Variants in CTNNAL1 observed in about 807,000 individuals in gnomAD.
CTNNAL1 encodes catenin alpha like 1.
CTNNAL1 carries 69 observed loss-of-function variants against 93.6 expected under a neutral mutation model. That is an observed-to-expected ratio of 0.74 (90% CI 0.61 to 0.90). CTNNAL1 has a LOEUF of 0.90. Among genes scored for constraint, CTNNAL1 ranks in the 40% least tolerant of loss-of-function variants. The pLI is 0.00. For missense variants in CTNNAL1, 836 were observed against 862.0 expected (o/e 0.97, Z 0.38); for synonymous variants, 286 against 305.4 (o/e 0.94, Z 0.66).
At chr9:108,999,452 C>T (rs1310775776) in intron 1 of CTNNAL1, among the ~76,000 whole-genome samples, 196 bp from the exon 2 acceptor site, 1 of 152,204 alleles carries the variant, frequency 6.6e-6, no homozygotes, top group Non-Finnish European at 1.5e-5. Flanking sequence ...TTAATTACAA[C>T]TCCAAGTTCA....
intron 8 of CTNNAL1, among the ~76,000 whole-genome samples, chr9:108,974,338 A>C (rs1169463465): frequency 6.6e-6 from 1 of 152,160 alleles, no homozygotes. Flanking sequence ...TCTGGAATGA[A>C]ATGGGTAGGC....
chr9:108,984,168 T>G (rs1459262247), intron 5 of CTNNAL1, among the ~76,000 whole-genome samples, 179 bp downstream of exon 5: 1 of 152,202 alleles, frequency 6.6e-6, no homozygotes, highest in Non-Finnish European at 1.5e-5. Context: ...TAGTTATTAT[T>G]TGGAGTTGGG....
intron 11 of CTNNAL1, among the ~76,000 whole-genome samples, chr9:108,961,232 T>A (rs186606179): frequency 6.6e-6 from 1 of 152,126 alleles, no homozygotes; most frequent in Admixed American, 6.5e-5. Flanking sequence ...CACCTTTGTA[T>A]GGAAAGCAGT....
Position 108,984,375 on chromosome 9 carries a change from C to T in CTNNAL1, c.701G>A (p.Cys234Tyr), listed in dbSNP as rs1485276452. The change falls in exon 5 of 19, where the codon TGT (cysteine) becomes TAT (tyrosine). Residue 234 changes from cysteine to tyrosine, a missense_variant. Transcript: ENST00000325551. The part of the protein sequence containing the change: ...MAAARAVLEK[C>Y]TMMLLTASKT... The stretch of plus-strand genomic sequence containing the variant: ...TGAAGCTGTGAGAAGCATCATTGTA[C>T]ACTTTTCAAGAACTGCCCTAGCTGC... The T allele has an allele frequency of 6.2e-7, 1 of 1,611,324 alleles. No individual in the cohort carries two copies. The highest frequency in any genetic ancestry group is 1.1e-5 in the South Asian group (1 of 90,858).
Position 108,979,363 on chromosome 9 carries a change from T to C in CTNNAL1, c.1019A>G (p.His340Arg), listed in dbSNP as rs910519557. Residue 340 changes from histidine (H) to arginine (R), a missense_variant, in exon 7 of 19, where the codon CAT (histidine) becomes CGT (arginine). Physicochemically the swap from His to Arg is conservative, Grantham distance 29. Transcript: ENST00000325551. The part of the protein sequence containing the change: ...EDFTDSAYTS[H>R]EHRERILELS... ...TTCCAAGATGCGTTCTCTGTGCTCA[T>C]GGCTGGTGTAGGCAGAATCAGTAAA... 1.9e-6 allele frequency: 3 copies of C among 1,614,098 alleles called. No homozygotes were observed. In the African/African-American group the frequency reaches 4.0e-5, roughly 22 times the overall value.
rs1273770344 is a variant in CTNNAL1, at chr9:108,948,248, A to C, written c.1836-14T>G. Reference sequence around the variant, plus strand: ...GGCCCCTCTCCTCTAAAATAAAATTAATTGTTAAGAAGGTAACAAAAAGTT... The same window carrying C: ...GGCCCCTCTCCTCTAAAATAAAATTCATTGTTAAGAAGGTAACAAAAAGTT... On this transcript the variant is annotated splice_polypyrimidine_tract_variant and intron_variant, in intron 14 of 18. Transcript: ENST00000325551. The C allele has an allele frequency of 1.2e-6, 2 of 1,609,268 alleles. No homozygotes were observed. Among genetic ancestry groups the C allele is most frequent in the Non-Finnish European group, 1.7e-6 (2 of 1,178,714 alleles).
At chr9:108,977,981 G>GA (rs35952055) in intron 7 of CTNNAL1, among the ~76,000 whole-genome samples, 1 of 152,096 alleles carries the variant, frequency 6.6e-6, no homozygotes, top group Non-Finnish European at 1.5e-5. Context: ...AACAACTGCT[G>GA]AAAAAAATGA....
chr9:108,969,508 A>G (rs1458816122), intron 10 of CTNNAL1, among the ~76,000 whole-genome samples: 1 of 152,202 alleles, frequency 6.6e-6, no homozygotes, highest in African/African-American at 2.4e-5. Flanking sequence ...TAATTTGTAT[A>G]CATACAAATC....
chr9:109,002,769 A>C (rs1826882753), intron 1 of CTNNAL1, among the ~76,000 whole-genome samples: 1 of 151,608 alleles, frequency 6.6e-6, no homozygotes. Context: ...AGATCACCTG[A>C]GGTTGGGAGT....
At position 108,989,688 on chromosome 9, in the gene CTNNAL1, A is replaced by G. The variant is rs537694195; in HGVS notation, c.639+1038T>C. Among the ~76,000 whole-genome samples, 27 of 152,336 alleles carry G rather than the reference A, an allele frequency of 1.8e-4. No individual in the cohort carries two copies. The South Asian group carries it at 5.6e-3, about 32-fold the overall frequency. ...CCCAACAAGGAAAAGTCAATCCTAG[A>G]CATAATATGATCTTCCATCTCCCAA... On this transcript the variant is annotated intron_variant, in intron 4 of 18. Coordinates refer to ENST00000325551, the MANE Select transcript of CTNNAL1 (RefSeq NM_003798.4).
intron 1 of CTNNAL1, among the ~76,000 whole-genome samples, chr9:109,010,024 A>ATT (rs796510075): frequency 1.3e-5 from 2 of 150,722 alleles, no homozygotes; most frequent in South Asian, 4.2e-4. Flanking sequence ...TACTTTTTCT[A>ATT]TTTTTTTTTA....
chr9:108,965,019 T>A (rs1013325003), intron 11 of CTNNAL1, among the ~76,000 whole-genome samples: 5 of 151,922 alleles, frequency 3.3e-5, no homozygotes, highest in Non-Finnish European at 7.4e-5. Context: ...ATCAACACAT[T>A]CGGCTAATTT....
chr9:108,970,522 C>T (rs767041986), intron 9 of CTNNAL1, 28 bp from the exon 10 acceptor site: 6 of 1,578,300 alleles, frequency 3.8e-6, no homozygotes, highest in Non-Finnish European at 5.2e-6. Flanking sequence ...TACAGTTTAA[C>T]TTTCACATCC....
rs150817124 is a variant in CTNNAL1, at chr9:108,981,145, C to T, written c.901-1664G>A. The stretch of plus-strand genomic sequence containing the variant: ...GAGCACTGCCCCTCCTTCACCTGCA[C>T]TAGAAATGCAGCAGCAGGTGGTGAA... On this transcript the variant is annotated intron_variant, in intron 6 of 18. Coordinates refer to ENST00000325551, the MANE Select transcript of CTNNAL1 (RefSeq NM_003798.4). Among the ~76,000 whole-genome samples, 1,119 of 152,362 alleles carry T rather than the reference C, an allele frequency of 7.3e-3. 13 individuals carry two copies. Among genetic ancestry groups the T allele is most frequent in the African/African-American group, 0.026 (1,065 of 41,584 alleles).
intron 2 of CTNNAL1, among the ~76,000 whole-genome samples, chr9:108,998,847 C>T (rs901067005): frequency 6.6e-6 from 1 of 152,140 alleles, no homozygotes; most frequent in Non-Finnish European, 1.5e-5. Context: ...TGAGGATGGC[C>T]GATCACTAAC....
At chr9:108,958,890 C>T (rs1403244267) in intron 11 of CTNNAL1, among the ~76,000 whole-genome samples, 1 of 150,992 alleles carries the variant, frequency 6.6e-6, no homozygotes, top group African/African-American at 2.4e-5. Flanking sequence ...CACACCACCA[C>T]GCTCGGCTAA....
At position 108,965,420 on chromosome 9, in the gene CTNNAL1, T is replaced by C. The variant is rs1230565281; in HGVS notation, c.1549A>G (p.Thr517Ala). ...ACGTCATTGATTTCTCTCAGCAGTG[T>C]TGACATGTCACTAATTTGGGATTCC... Reference protein sequence around the residue: ...AWESQISDMSTLLREINDVFE... With the variant: ...AWESQISDMSALLREINDVFE... The change falls in exon 11 of 19, where the codon ACA (threonine) becomes GCA (alanine). Residue 517 changes from threonine to alanine, a missense_variant. Transcript: ENST00000325551. 2 of 1,592,536 alleles carry C rather than the reference T, an allele frequency of 1.3e-6. No individual in the cohort carries two copies. Among genetic ancestry groups the C allele is most frequent in the Non-Finnish European group, 1.7e-6 (2 of 1,170,232 alleles).
intron 11 of CTNNAL1, among the ~76,000 whole-genome samples, chr9:108,959,681 T>C (rs1333673173): frequency 6.6e-6 from 1 of 152,202 alleles, no homozygotes; most frequent in African/African-American, 2.4e-5. Flanking sequence ...ACATTAAAAA[T>C]AGTTGGAAAA....
intron 1 of CTNNAL1, among the ~76,000 whole-genome samples, chr9:109,006,295 T>C (rs1432418531): frequency 6.6e-6 from 1 of 152,260 alleles, no homozygotes; most frequent in Non-Finnish European, 1.5e-5. Flanking sequence ...CTAGCCTATG[T>C]GTTTTACATG....
Sources: gnomAD v4.1 joint callset for allele counts (sites outside exome capture counted in the v4.1 genomes callset) on GRCh38, gnomAD v4.1.1 for gene constraint, MANE v1.5 for transcripts, NCBI Gene and HGNC (gene_info 2026-07-23, HGNC 2026-07-21) for gene names.